RBM4: variants seen among roughly 807,000 people sequenced by gnomAD.
RBM4 encodes the protein RNA binding motif protein 4.
A neutral mutation model predicts 29.5 loss-of-function variants in RBM4; 7 were observed. The ratio of observed to expected loss-of-function variants is 0.24; its 90% CI spans 0.14 to 0.45. The LOEUF is 0.45. Among genes scored for constraint, RBM4 ranks in the 20% least tolerant of loss-of-function variants. RBM4 has a pLI of 1.00. For synonymous variants in RBM4, 220 were observed against 205.4 expected (o/e 1.07, Z -0.61); for missense variants, 387 against 502.3 (o/e 0.77, Z 2.19).
rs1938538529 is a variant in RBM4 at position 66,643,122 on chromosome 11, T to G, written c.413-328T>G. The stretch of plus-strand genomic sequence containing the variant: ...AAAAGACTTGGGCACTGTTTCTTAC[T>G]TTGACTTCTTTTGACTTTGAGCCGC... On this transcript the variant is annotated intron_variant, in intron 2 of 3. Coordinates refer to ENST00000310092, the MANE Select transcript of RBM4 (RefSeq NM_002896.4). This position sits in a 1 kb window ranked among gnomAD's most constrained non-coding sequence, Gnocchi z 6.1. Among the ~76,000 whole-genome samples the G allele has an allele frequency of 6.6e-6, 1 of 152,226 alleles. No homozygotes were observed. The highest frequency in any genetic ancestry group is 1.5e-5 in the Non-Finnish European group (1 of 68,042).
chr11:66,640,248 G>A (rs2135053836), intron 2 of RBM4, 125 bp downstream of exon 2: 2 of 1,278,400 alleles, frequency 1.6e-6, no homozygotes, highest in Non-Finnish European at 2.2e-6. Context: ...AGAAATAAGT[G>A]TGGGTGATGG....
At chr11:66,654,132 C>T (rs1323319935) in intron 2 of RBM4, among the ~76,000 whole-genome samples, 4 of 152,140 alleles carry the variant, frequency 2.6e-5, no homozygotes, top group Admixed American at 6.5e-5. Context: ...CCAAATGATC[C>T]TCCCGTCTCA....
downstream of RBM4, among the ~76,000 whole-genome samples, chr11:66,651,402 C>T (rs1226015982): frequency 6.6e-6 from 1 of 150,806 alleles, no homozygotes; most frequent in East Asian, 1.9e-4. Flanking sequence ...GGTTGGAGTG[C>T]AGTGGCACTA....
chr11:66,662,798 C>T (rs994564434), intron 2 of RBM4, among the ~76,000 whole-genome samples: 4 of 152,172 alleles, frequency 2.6e-5, no homozygotes, highest in African/African-American at 9.7e-5. Flanking sequence ...TTTTTCTTGG[C>T]TCTGCATAGT....
chr11:66,649,676 A>G, downstream of RBM4: 2 of 692,150 alleles, frequency 2.9e-6, no homozygotes, highest in East Asian at 2.7e-5. Flanking sequence ...GTAATTGACA[A>G]GGTTATGCTG....
At chr11:66,652,710 C>A (rs1029691211) in intron 2 of RBM4, among the ~76,000 whole-genome samples, 5 of 152,064 alleles carry the variant, frequency 3.3e-5, no homozygotes, top group Non-Finnish European at 5.9e-5. Context: ...CCTTCAGATA[C>A]AAAATTGGGT....
downstream of RBM4, chr11:66,649,961 A>G (rs1033763058): frequency 2.1e-5 from 11 of 524,060 alleles, no homozygotes; most frequent in African/African-American, 2.0e-4. Context: ...TGTCTAGTAA[A>G]TGTCTAGCTG....
intron 2 of RBM4, among the ~76,000 whole-genome samples, chr11:66,654,003 T>C (rs1418432167): frequency 6.6e-6 from 1 of 152,070 alleles, no homozygotes; most frequent in Non-Finnish European, 1.5e-5. Flanking sequence ...AAGTCCAGCA[T>C]GGACAACAGC....
chr11:66,640,066 G>C lies in RBM4; in HGVS notation c.355G>C (p.Glu119Gln). The C allele has an allele frequency of 6.2e-7, 1 of 1,614,228 alleles. No homozygotes were observed. The highest frequency in any genetic ancestry group is 8.5e-7 in the Non-Finnish European group (1 of 1,180,044). Reference protein sequence around the residue: ...IVKDYAFVHMERAEDAVEAIR... With the variant: ...IVKDYAFVHMQRAEDAVEAIR... ...GAAAGATTATGCCTTCGTACACATG[G>C]AGCGGGCAGAGGATGCAGTGGAGGC... Residue 119 changes from glutamate (E) to glutamine (Q), a missense_variant, in exon 2 of 4, where the codon GAG (glutamate) becomes CAG (glutamine). Physicochemically the swap from Glu to Gln is conservative, Grantham distance 29 (BLOSUM62 2). Coordinates refer to ENST00000310092, the MANE Select transcript of RBM4 (RefSeq NM_002896.4).
chr11:66,657,712 T>C (rs1259090173), intron 2 of RBM4, among the ~76,000 whole-genome samples: 1 of 143,404 alleles, frequency 7.0e-6, no homozygotes, highest in Non-Finnish European at 1.5e-5. Context: ...AAAAAAATTA[T>C]AGGCATGAGC....
intron 2 of RBM4, among the ~76,000 whole-genome samples, chr11:66,664,537 T>G (rs1435342502): frequency 6.6e-6 from 1 of 152,070 alleles, no homozygotes; most frequent in Non-Finnish European, 1.5e-5. Flanking sequence ...CTTGGCTAAC[T>G]GCAACCTCTG....
chr11:66,649,963 G>C, downstream of RBM4: 1 of 520,560 alleles, frequency 1.9e-6, no homozygotes, highest in South Asian at 2.8e-5. Context: ...TCTAGTAAAT[G>C]TCTAGCTGGC....
At chr11:66,666,509 C>T (rs1565091096) in exon 3 of RBM4, 1 of 938,192 alleles carries the variant, frequency 1.1e-6, no homozygotes, top group Admixed American at 6.2e-5. Context: ...AGGTAAGTTT[C>T]TTTAAAAGTC....
At chr11:66,647,196 C>T (rs182106847), downstream of RBM4, among the ~76,000 whole-genome samples, 327 of 152,352 alleles carry the variant, frequency 2.1e-3, no homozygotes, top group African/African-American at 7.3e-3. Flanking sequence ...TCTACAGATA[C>T]AGGACTGTGT....
chr11:66,657,740 C>T (rs1938979018), intron 2 of RBM4, among the ~76,000 whole-genome samples: 1 of 150,878 alleles, frequency 6.6e-6, no homozygotes, highest in Admixed American at 6.6e-5. Flanking sequence ...CCTGCCCCCT[C>T]CCCCACCTTT....
chr11:66,643,469 G>A lies in RBM4; in HGVS notation c.432G>A (p.Gln144=), dbSNP rs187740636. ...TEFQGKRMHV[Q]LSTSRLRTAP... Reference sequence around the variant, plus strand: ...TTCAAGGCAAACGAATGCACGTGCAGTTGTCCACCAGCCGGCTTAGGACTG... The same window carrying A: ...TTCAAGGCAAACGAATGCACGTGCAATTGTCCACCAGCCGGCTTAGGACTG... The change falls in exon 3 of 4, where the codon CAG becomes CAA. Residue 144 remains glutamine (Q), a synonymous_variant. Transcript: ENST00000310092. The surrounding 1 kb of genome is among the most constrained non-coding windows in gnomAD (Gnocchi z 6.1). The A allele has an allele frequency of 4.3e-3, 6,952 of 1,611,114 alleles. 46 individuals carry two copies. Among genetic ancestry groups the A allele is most frequent in the South Asian group, 0.021 (1,907 of 91,014 alleles).
chr11:66,642,910 T>C (rs1362960160), intron 2 of RBM4, among the ~76,000 whole-genome samples: 2 of 152,266 alleles, frequency 1.3e-5, no homozygotes, highest in African/African-American at 4.8e-5. Flanking sequence ...TTTCCAGAGA[T>C]GTACCTTGAG....
At chr11:66,640,617 C>G (rs1403518896) in intron 2 of RBM4, 1 of 184,328 alleles carries the variant, frequency 5.4e-6, no homozygotes, top group Non-Finnish European at 1.1e-5. Flanking sequence ...GCTCTTGTTG[C>G]TTTTATATTA....
At chr11:66,649,335 A>C (rs752392300), downstream of RBM4, among the ~76,000 whole-genome samples, 13 of 152,248 alleles carry the variant, frequency 8.5e-5, no homozygotes, top group Non-Finnish European at 1.6e-4. Context: ...GAAAAACTCT[A>C]TCAAGAACAA....
Sources: gnomAD v4.1 joint callset for allele counts (sites outside exome capture counted in the v4.1 genomes callset) on GRCh38, gnomAD v4.1.1 for gene constraint, Gnocchi (gnomAD v3.1) non-coding constraint, MANE v1.5 for transcripts, NCBI Gene and HGNC (gene_info 2026-07-23, HGNC 2026-07-21) for gene names.